The following LRMDA variants were observed in gnomAD, a reference collection of about 807,000 sequenced individuals.
The protein encoded by LRMDA is leucine-rich melanocyte differentiation-associated protein.
Under a neutral mutation model 29.8 loss-of-function variants are expected in LRMDA, and 18 were observed. The observed-to-expected ratio is 0.60, with a 90% CI of 0.42 to 0.90. LRMDA has a LOEUF of 0.90. LRMDA is among the 40% of genes least tolerant of loss of function. The probability of loss-of-function intolerance (pLI) is 0.00; values close to 1 mark genes in which losing one functional copy is unlikely to be tolerated. For synonymous variants in LRMDA, 125 were observed against 109.4 expected, an observed-to-expected ratio of 1.14 and a Z score of -0.89; for missense variants, 273 against 273.9, an observed-to-expected ratio of 1.00 and a Z score of 0.02.
rs183770985 is a variant in LRMDA, at chr10:76,191,122, A to T, written c.516+132339A>T. Among the ~76,000 whole-genome samples, 183 of 152,318 alleles carry T rather than the reference A, an allele frequency of 1.2e-3. 1 individual carries two copies. The highest frequency in any genetic ancestry group is 3.9e-3 in the African/African-American group (161 of 41,570). On this transcript the variant is annotated intron_variant, in intron 5 of 6. Transcript: ENST00000611255. ...TGTTGTGACTAGTTCTCTGTGGCTTATATGGTATGTTGAGGTCACCTGCGA... is the reference window on the plus strand; with the variant it reads ...TGTTGTGACTAGTTCTCTGTGGCTTTTATGGTATGTTGAGGTCACCTGCGA...
intron 2 of LRMDA, among the ~76,000 whole-genome samples, chr10:75,875,964 C>A (rs1484888060): frequency 6.6e-6 from 1 of 152,030 alleles, no homozygotes; most frequent in Non-Finnish European, 1.5e-5. Flanking sequence ...GGTGATTGGA[C>A]CCTGGTGGCA....
chr10:75,800,566 C>G (rs1435676840), intron 2 of LRMDA, among the ~76,000 whole-genome samples: 1 of 151,920 alleles, frequency 6.6e-6, no homozygotes, highest in Non-Finnish European at 1.5e-5. Flanking sequence ...TTTTTCATTT[C>G]AAATATTTTA....
At chr10:75,888,731 G>A (rs942094) in intron 2 of LRMDA, among the ~76,000 whole-genome samples, 134,639 of 152,224 alleles carry the variant, frequency 0.88, 59,887 homozygotes, top group Middle Eastern at 0.96. Context: ...TAAAGATGTC[G>A]TACTTCAAAT....
chr10:76,474,045 G>GA (rs1214107552), intron 6 of LRMDA, among the ~76,000 whole-genome samples: 2 of 151,696 alleles, frequency 1.3e-5, no homozygotes, highest in African/African-American at 2.4e-5. Flanking sequence ...TAGGAGTCCA[G>GA]AAAAAAGTCA....
At chr10:76,007,725 T>C (rs1471792393) in intron 2 of LRMDA, among the ~76,000 whole-genome samples, 3 of 152,110 alleles carry the variant, frequency 2.0e-5, no homozygotes, top group Admixed American at 6.5e-5. Context: ...TGTGCACCGG[T>C]ATGAGAAATG....
intron 2 of LRMDA, among the ~76,000 whole-genome samples, chr10:76,027,222 G>A (rs986522659): frequency 6.6e-6 from 1 of 152,122 alleles, no homozygotes; most frequent in African/African-American, 2.4e-5. Context: ...GGCACTTAGG[G>A]GCCAGGAGAG....
At chr10:75,552,705 AAT>A (rs1220816766) in intron 2 of LRMDA, among the ~76,000 whole-genome samples, 6 of 151,634 alleles carry the variant, frequency 4.0e-5, no homozygotes, top group Admixed American at 2.0e-4. Flanking sequence ...TGGGATTCAA[AAT>A]ATATGTTATA....
At position 76,512,729 on chromosome 10, in the gene LRMDA, C is replaced by T. The variant is rs117152961; in HGVS notation, c.602-44480C>T. Among the ~76,000 whole-genome samples the T allele has an allele frequency of 7.2e-3, 1,103 of 152,142 alleles. 7 individuals are homozygous for T. The highest frequency in any genetic ancestry group is 9.6e-3 in the Non-Finnish European group (653 of 67,994). On this transcript the variant is annotated intron_variant, in intron 6 of 6. Coordinates refer to ENST00000611255, the MANE Select transcript of LRMDA (RefSeq NM_001305581.2). ...AAAAAATAGTGACCCTTAGAATCAC[C>T]ATTAAATAGGAAGATAGTACCCCTT...
intron 2 of LRMDA, among the ~76,000 whole-genome samples, chr10:75,692,288 C>T (rs1198918732): frequency 7.6e-6 from 1 of 131,924 alleles, no homozygotes; most frequent in Non-Finnish European, 1.6e-5. Flanking sequence ...CAAGTATATA[C>T]ATATATACAC....
At chr10:76,251,038 G>A (rs2132296522) in intron 5 of LRMDA, among the ~76,000 whole-genome samples, 1 of 152,202 alleles carries the variant, frequency 6.6e-6, no homozygotes, top group South Asian at 2.1e-4. Context: ...TTCCCCAAAG[G>A]GCTTCTCTCA....
At chr10:75,732,078 C>T (rs192839340) in intron 2 of LRMDA, among the ~76,000 whole-genome samples, 2 of 152,030 alleles carry the variant, frequency 1.3e-5, no homozygotes, top group African/African-American at 2.4e-5. Flanking sequence ...AACACTTTTA[C>T]GTTACCTATG....
chr10:76,469,107 C>A (rs770764707), intron 6 of LRMDA, among the ~76,000 whole-genome samples: 1 of 152,138 alleles, frequency 6.6e-6, no homozygotes, highest in Non-Finnish European at 1.5e-5. Context: ...TCAAAAGGAA[C>A]AATGGGATTC....
In LRMDA at chr10:75,618,166, C is replaced by T. The variant is rs139485425; in HGVS notation, c.131+179672C>T. Among the ~76,000 whole-genome samples, 525 of 152,138 alleles carry T rather than the reference C, an allele frequency of 3.5e-3. 3 individuals are homozygous for T. The highest frequency in any genetic ancestry group is 0.012 in the African/African-American group (499 of 41,514). ...TTGTTTAACATTTTTCTGCATCTGT[C>T]CTGACTCTAAGTTGGCATTTTCTTC... On this transcript the variant is annotated intron_variant, in intron 2 of 6. Transcript: ENST00000611255.
chr10:75,476,898 G>A (rs1366136632), intron 2 of LRMDA, among the ~76,000 whole-genome samples: 2 of 152,100 alleles, frequency 1.3e-5, no homozygotes, highest in East Asian at 3.9e-4. Flanking sequence ...TCCTTGGCTT[G>A]CAGAAGGCTG....
At chr10:76,315,697 G>A (rs1279244837) in intron 5 of LRMDA, among the ~76,000 whole-genome samples, 1 of 152,208 alleles carries the variant, frequency 6.6e-6, no homozygotes, top group African/African-American at 2.4e-5. Flanking sequence ...GTGGAAGGCA[G>A]ACAGGTCCCT....
intron 6 of LRMDA, among the ~76,000 whole-genome samples, chr10:76,386,843 A>G (rs1378824542): frequency 6.6e-6 from 1 of 152,072 alleles, no homozygotes; most frequent in Non-Finnish European, 1.5e-5. Flanking sequence ...TTATAGGAAG[A>G]GCTTTTACGA....
intron 2 of LRMDA, among the ~76,000 whole-genome samples, chr10:75,762,422 C>CAAGA (rs1564561471): frequency 3.8e-4 from 58 of 152,020 alleles, no homozygotes; most frequent in African/African-American, 1.4e-3. Context: ...TATGTATGGC[C>CAAGA]CAATTCTTCC....
intron 5 of LRMDA, chr10:76,270,207 T>C (rs1466705032): frequency 2.0e-5 from 3 of 152,224 alleles, no homozygotes; most frequent in African/African-American, 4.8e-5. Context: ...CTAACATTGG[T>C]GTCTCAAAGA....
intron 2 of LRMDA, among the ~76,000 whole-genome samples, chr10:75,762,453 A>G (rs140395602): frequency 4.7e-4 from 72 of 152,332 alleles, no homozygotes; most frequent in African/African-American, 1.7e-3. Flanking sequence ...AGGGAAGCCA[A>G]AAGATTGGGC....
Sources: allele counts gnomAD v4.1 joint callset (sites outside exome capture counted in the v4.1 genomes callset), GRCh38; gene constraint gnomAD v4.1.1; transcripts MANE v1.5; gene names NCBI Gene and HGNC (gene_info 2026-07-23, HGNC 2026-07-21).